TCIRG1: variants seen among roughly 807,000 people sequenced by gnomAD.
TCIRG1 encodes V-type proton ATPase 116 kDa subunit a 3.
A neutral mutation model predicts 95.5 loss-of-function variants in TCIRG1; 86 were observed. The observed-to-expected ratio is 0.90, with a 90% CI of 0.76 to 1.08. The LOEUF (loss-of-function observed/expected upper bound fraction) is 1.08. Among genes scored for constraint, TCIRG1 ranks in the 50% least tolerant of loss-of-function variants. The pLI is 0.00. For missense variants in TCIRG1, 1,069 were observed against 1,140.2 expected (o/e 0.94, Z 0.90); for synonymous variants, 499 against 501.3 (o/e 1.00, Z 0.06).
intron 15 of TCIRG1, 122 bp from the exon 16 acceptor site, chr11:68,049,541 C>G: frequency 7.2e-7 from 1 of 1,379,546 alleles, no homozygotes; most frequent in South Asian, 1.2e-5. Context: ...GGCACGGAGC[C>G]CCCGGGGGCC....
chr11:68,045,323 G>A (rs187742627), intron 10 of TCIRG1, among the ~76,000 whole-genome samples: 193 of 152,384 alleles, frequency 1.3e-3, no homozygotes, highest in African/African-American at 4.5e-3. Flanking sequence ...TTACAAGGGA[G>A]CCGGCACGGG....
intron 11 of TCIRG1, 28 bp downstream of exon 11, chr11:68,047,600 A>G (rs1297125655): frequency 6.2e-7 from 1 of 1,612,610 alleles, no homozygotes; most frequent in Admixed American, 1.7e-5. Flanking sequence ...GGTCCTGATG[A>G]GGGTAGCAGG....
At position 68,042,945 on chromosome 11, in the gene TCIRG1, G is replaced by T; in HGVS notation, c.418-1G>T. 1 of 1,553,362 alleles carries T rather than the reference G, an allele frequency of 6.4e-7. No homozygotes were observed. The highest frequency in any genetic ancestry group is 8.7e-7 in the Non-Finnish European group (1 of 1,148,514). The stretch of plus-strand genomic sequence containing the variant: ...GGCTCATGGTGCTTCTGGGTTCCTA[G>T]CTGGCAGCCGCCCACACAGATGGGG... On this transcript the variant is annotated splice_acceptor_variant, in intron 4 of 19. Coordinates refer to ENST00000265686, the MANE Select transcript of TCIRG1 (RefSeq NM_006019.4). LOFTEE classifies it high-confidence loss of function.
intron 10 of TCIRG1, among the ~76,000 whole-genome samples, chr11:68,046,149 C>A (rs1431955697): frequency 6.6e-6 from 1 of 152,194 alleles, no homozygotes; most frequent in Non-Finnish European, 1.5e-5. Context: ...CAAAGTGCCA[C>A]CGGCTACTGG....
At chr11:68,048,708 G>A (rs112754197) in intron 13 of TCIRG1, 171 bp from the exon 14 acceptor site, 53,241 of 706,936 alleles carry the variant, frequency 0.075, 2,273 homozygotes, top group African/African-American at 0.084. Flanking sequence ...GGCTGGCACC[G>A]TGGCAGCTGG....
chr11:68,043,760 A>G, intron 7 of TCIRG1, 54 bp from the exon 8 acceptor site: 2 of 1,541,838 alleles, frequency 1.3e-6, no homozygotes, highest in Non-Finnish European at 1.8e-6. Context: ...CTTCAGACTC[A>G]GAGTCTCGTA....
Position 68,049,240 on chromosome 11 carries a change from C to T in TCIRG1, c.1833C>T (p.Ile611=). Residue 611 remains isoleucine (I), a synonymous_variant, in exon 15 of 20, where the codon ATC becomes ATT. Coordinates refer to ENST00000265686, the MANE Select transcript of TCIRG1 (RefSeq NM_006019.4). ...ASAPSILIHF[I]NMFLFSHSPS... ...CCCCCAGCATCCTCATCCACTTCAT[C>T]AACATGTTCCTCTTCTCCCACAGCC... The T allele has an allele frequency of 6.2e-7, 1 of 1,613,764 alleles. No homozygotes were observed.
At chr11:68,040,736 C>CCT (rs758436325) in intron 1 of TCIRG1, among the ~76,000 whole-genome samples, 9 of 152,240 alleles carry the variant, frequency 5.9e-5, no homozygotes, top group Non-Finnish European at 1.0e-4. Context: ...CGGCTGCTGC[C>CCT]GGGCGGCCCG....
chr11:68,043,155 C>T, intron 5 of TCIRG1, 124 bp downstream of exon 5: 1 of 1,526,138 alleles, frequency 6.6e-7, no homozygotes, highest in South Asian at 1.2e-5. Flanking sequence ...CCCGCCTCCT[C>T]CTTCAGGCCC....
intron 10 of TCIRG1, among the ~76,000 whole-genome samples, 181 bp from the exon 11 acceptor site, chr11:68,047,252 G>GTCCCCCC (rs1855537831): frequency 3.6e-5 from 1 of 28,088 alleles, no homozygotes; most frequent in Non-Finnish European, 6.5e-5. Context: ...CTCGGGTGAT[G>GTCCCCCC]CCCCCCCCCC....
chr11:68,046,777 C>G (rs1471721649), intron 10 of TCIRG1, among the ~76,000 whole-genome samples: 1 of 152,192 alleles, frequency 6.6e-6, no homozygotes, highest in Non-Finnish European at 1.5e-5. Context: ...TTGCCATGTG[C>G]CAGCTGGGGC....
At chr11:68,043,181 C>T in intron 5 of TCIRG1, 150 bp downstream of exon 5, 1 of 1,510,862 alleles carries the variant, frequency 6.6e-7, no homozygotes, top group Non-Finnish European at 8.9e-7. Flanking sequence ...TTCCCACAGT[C>T]CCAAGCCCTA....
intron 15 of TCIRG1, 160 bp downstream of exon 15, chr11:68,049,454 G>A (rs1042149787): frequency 1.1e-5 from 11 of 993,082 alleles, no homozygotes; most frequent in Non-Finnish European, 1.3e-5. Flanking sequence ...ATCTTTAGCA[G>A]GTGGCACAAC....
Position 68,048,976 on chromosome 11 carries a change from T to C in TCIRG1, c.1652T>C (p.Val551Ala), listed in dbSNP as rs1382501642. 1.9e-6 allele frequency: 3 copies of C among 1,613,656 alleles called. No homozygotes were observed. Among genetic ancestry groups the C allele is most frequent in the Admixed American group, 3.3e-5 (2 of 60,026 alleles). The change falls in exon 14 of 20, where the codon GTC becomes GCC. Residue 551 changes from valine to alanine, a missense_variant. By Grantham distance (64) the Val-to-Ala change is moderately conservative. Coordinates refer to ENST00000265686, the MANE Select transcript of TCIRG1 (RefSeq NM_006019.4). ...LGVVHMAFGV[V>A]LGVFNHVHFG... ...GTCGTGCACATGGCCTTTGGGGTGG[T>C]CCTCGGAGTCTTCAACCACGTGTGA...
At chr11:68,050,396 C>T (rs569062999) in intron 18 of TCIRG1, 91 bp from the exon 19 acceptor site, 208 of 1,609,064 alleles carry the variant, frequency 1.3e-4, no homozygotes, top group South Asian at 1.0e-3. Context: ...GCTGGCCCCC[C>T]GTGCAGGGAG....
chr11:68,047,619 G>A (rs12418239), intron 11 of TCIRG1, 28 bp from the exon 12 acceptor site: 250,193 of 1,612,674 alleles, frequency 0.16, 20,937 homozygotes, highest in Non-Finnish European at 0.17. Context: ...GGGCCAGGCA[G>A]CCCCTCACCA....
Position 68,042,950 on chromosome 11 carries a change from C to T in TCIRG1, c.422C>T (p.Ala141Val). 6.4e-7 allele frequency: 1 copy of T among 1,553,694 alleles called. No homozygotes were observed. The highest frequency in any genetic ancestry group is 8.7e-7 in the Non-Finnish European group (1 of 1,148,688). ...VLRQGHEPQL[A>V]AAHTDGASER... ...ATGGTGCTTCTGGGTTCCTAGCTGGCAGCCGCCCACACAGATGGGGCCTCA... is the reference window on the plus strand; with the variant it reads ...ATGGTGCTTCTGGGTTCCTAGCTGGTAGCCGCCCACACAGATGGGGCCTCA... Residue 141 changes from alanine (A) to valine (V), a missense_variant, in exon 5 of 20, where the codon GCA becomes GTA. Transcript: ENST00000265686.
At chr11:68,041,144 C>T in intron 1 of TCIRG1, 124 bp from the exon 2 acceptor site, 1 of 760,722 alleles carries the variant, frequency 1.3e-6, no homozygotes, top group South Asian at 1.4e-5. Flanking sequence ...CAGTTTCCAC[C>T]TCTGTCAGAT....
Position 68,043,554 on chromosome 11 carries a change from C to T in TCIRG1, c.631-17C>T. ...GGGCAGAGCGGGACCCCAGAGTCAGCTGAGCCTGCTCTGCAGGGCGAGCCA... is the reference window on the plus strand; with the variant it reads ...GGGCAGAGCGGGACCCCAGAGTCAGTTGAGCCTGCTCTGCAGGGCGAGCCA... On this transcript the variant is annotated splice_polypyrimidine_tract_variant and intron_variant, in intron 6 of 19. Transcript: ENST00000265686. The T allele has an allele frequency of 2.5e-6, 4 of 1,602,900 alleles. No homozygotes were observed. Among genetic ancestry groups the T allele is most frequent in the Non-Finnish European group, 3.4e-6 (4 of 1,175,454 alleles).
Sources: gnomAD v4.1 joint callset for allele counts (sites outside exome capture counted in the v4.1 genomes callset) on GRCh38, gnomAD v4.1.1 for gene constraint, MANE v1.5 for transcripts, NCBI Gene and HGNC (gene_info 2026-07-23, HGNC 2026-07-21) for gene names.